Variants in GOT2 observed in about 807,000 individuals in gnomAD.
GOT2 encodes the protein glutamic-oxaloacetic transaminase 2, also known as aspartate aminotransferase, mitochondrial.
GOT2 carries 17 observed loss-of-function variants against 50.0 expected under a neutral mutation model. The ratio of observed to expected loss-of-function variants is 0.34; its 90% CI spans 0.23 to 0.51. The LOEUF is 0.51. Among genes scored for constraint, GOT2 ranks in the 20% least tolerant of loss-of-function variants. The pLI, the probability that GOT2 is intolerant of heterozygous loss-of-function variation, is 0.97. For missense variants in GOT2, 430 were observed against 559.6 expected (o/e 0.77, Z 2.34); for synonymous variants, 172 against 204.9 (o/e 0.84, Z 1.37).
At chr16:58,717,601 C>T (rs576811300) in intron 6 of GOT2, among the ~76,000 whole-genome samples, 8 of 152,258 alleles carry the variant, frequency 5.3e-5, no homozygotes, top group Non-Finnish European at 1.0e-4. Context: ...CTGACCAGGG[C>T]GAATATAGGC....
chr16:58,714,247 A>T (rs1247306318), intron 8 of GOT2, among the ~76,000 whole-genome samples: 2 of 151,716 alleles, frequency 1.3e-5, no homozygotes, highest in Non-Finnish European at 2.9e-5. Context: ...TGCAGTTGGC[A>T]TTTAGAAAAT....
At chr16:58,724,538 T>C (rs1266010945) in intron 1 of GOT2, among the ~76,000 whole-genome samples, 1 of 151,920 alleles carries the variant, frequency 6.6e-6, no homozygotes, top group Non-Finnish European at 1.5e-5. Flanking sequence ...TCCATACTGA[T>C]ACATTATTAT....
In GOT2 at chr16:58,722,183, C is replaced by T; in HGVS notation, c.342G>A (p.Leu114=). The change falls in exon 3 of 10, where the codon CTG becomes CTA. Residue 114 remains leucine, a synonymous_variant. Transcript: ENST00000245206. ...EFCKASAELA[L]GENSEVLKSG... is the part of the protein sequence containing the mutation. ...TCTTCAAGACTTCGCTGTTCTCACC[C>T]AGGGCTAGTTCTGCAGATGCCTTGC... 2 of 1,612,352 alleles carry T rather than the reference C, an allele frequency of 1.2e-6. No homozygotes were observed. Among genetic ancestry groups the T allele is most frequent in the Non-Finnish European group, 1.7e-6 (2 of 1,179,998 alleles).
chr16:58,709,673 A>C, intron 8 of GOT2, 106 bp from the exon 9 acceptor site: 1 of 851,900 alleles, frequency 1.2e-6, no homozygotes, highest in Admixed American at 2.3e-5. Context: ...GTGTGCCTCA[A>C]TTCTCAGGTC....
chr16:58,708,709 A>C (rs2044622404), intron 9 of GOT2, among the ~76,000 whole-genome samples: 1 of 152,164 alleles, frequency 6.6e-6, no homozygotes, highest in African/African-American at 2.4e-5. Flanking sequence ...TAGATTCAGC[A>C]GAGCCAGGAT....
At chr16:58,713,751 C>A (rs1228348643) in intron 8 of GOT2, among the ~76,000 whole-genome samples, 1 of 152,188 alleles carries the variant, frequency 6.6e-6, no homozygotes, top group Non-Finnish European at 1.5e-5. Context: ...CTTCCACAGG[C>A]ATCATGGTTT....
At chr16:58,734,083 G>C (rs1437357335) in intron 1 of GOT2, 57 bp downstream of exon 1, 1 of 1,042,424 alleles carries the variant, frequency 9.6e-7, no homozygotes, top group African/African-American at 1.6e-5. Flanking sequence ...TGGGGTGCTC[G>C]CAGCTCGGCG....
intron 6 of GOT2, among the ~76,000 whole-genome samples, chr16:58,717,544 A>G (rs2044703780): frequency 6.6e-6 from 1 of 152,208 alleles, no homozygotes; most frequent in Admixed American, 6.5e-5. Flanking sequence ...GCAATGCTGC[A>G]AAGGAGAGGA....
At chr16:58,728,629 G>A (rs1332453891) in intron 1 of GOT2, among the ~76,000 whole-genome samples, 3 of 152,132 alleles carry the variant, frequency 2.0e-5, no homozygotes, top group African/African-American at 7.2e-5. Flanking sequence ...GCTGTGGGGG[G>A]AGACAATGTT....
At chr16:58,722,381 T>C in intron 2 of GOT2, 103 bp from the exon 3 acceptor site, 5 of 1,216,852 alleles carry the variant, frequency 4.1e-6, no homozygotes, top group Non-Finnish European at 5.8e-6. Context: ...GTAAAGTCTT[T>C]TTTTTTTGAG....
chr16:58,708,389 C>T (rs1167189312), intron 9 of GOT2, 96 bp from the exon 10 acceptor site: 2 of 1,224,474 alleles, frequency 1.6e-6, no homozygotes, highest in African/African-American at 3.0e-5. Flanking sequence ...CGCTCTATTT[C>T]CTCGCTTAAA....
At position 58,708,184 on chromosome 16, in the gene GOT2, T is replaced by C. The variant is rs1200101056; in HGVS notation, c.1280A>G (p.Gln427Arg). ...NVGYLAHAIHQVTK is the reference protein window; with the variant it reads ...NVGYLAHAIHRVTK ...GCACCAGGGACATTACTTGGTGACC[T>C]GGTGAATGGCATGGGCAAGGTAGCC... is the stretch of plus-strand genomic sequence containing the variant. Residue 427 changes from glutamine (Q) to arginine (R), a missense_variant, in exon 10 of 10, where the codon CAG becomes CGG. Coordinates refer to ENST00000245206, the MANE Select transcript of GOT2 (RefSeq NM_002080.4). 1 of 1,614,016 alleles carries C rather than the reference T, an allele frequency of 6.2e-7. No individual in the cohort carries two copies. The highest frequency in any genetic ancestry group is 1.3e-5 in the African/African-American group (1 of 75,034).
intron 5 of GOT2, 72 bp from the exon 6 acceptor site, chr16:58,718,372 T>C (rs1474456037): frequency 7.2e-7 from 1 of 1,397,534 alleles, no homozygotes; most frequent in African/African-American, 1.4e-5. Flanking sequence ...TGCCACAGGA[T>C]CGTCATCATT....
intron 8 of GOT2, among the ~76,000 whole-genome samples, chr16:58,710,396 CTTTT>C (rs774270272): frequency 2.9e-5 from 4 of 138,738 alleles, no homozygotes; most frequent in Non-Finnish European, 3.1e-5. Flanking sequence ...ATTTTCTTTT[CTTTT>C]TTTTTTTTTT....
intron 8 of GOT2, among the ~76,000 whole-genome samples, chr16:58,714,249 T>G (rs2044672190): frequency 1.3e-5 from 2 of 151,796 alleles, no homozygotes; most frequent in Admixed American, 1.3e-4. Context: ...CAGTTGGCAT[T>G]TAGAAAATAT....
intron 6 of GOT2, among the ~76,000 whole-genome samples, chr16:58,717,976 C>T (rs369342373): frequency 3.9e-5 from 6 of 152,312 alleles, no homozygotes; most frequent in South Asian, 2.1e-4. Context: ...CGTGAGCCAC[C>T]GCGCCCAGCC....
chr16:58,726,276 C>T (rs1170304908), intron 1 of GOT2, among the ~76,000 whole-genome samples: 1 of 151,956 alleles, frequency 6.6e-6, no homozygotes, highest in African/African-American at 2.4e-5. Flanking sequence ...ACATCCGCCT[C>T]CCGGGTTCAA....
At chr16:58,717,870 A>G (rs1386297120) in intron 6 of GOT2, among the ~76,000 whole-genome samples, 1 of 152,104 alleles carries the variant, frequency 6.6e-6, no homozygotes, top group Non-Finnish European at 1.5e-5. Context: ...TTGTAGTTTT[A>G]GTAGAGACGG....
At chr16:58,710,408 T>C (rs1176151390) in intron 8 of GOT2, among the ~76,000 whole-genome samples, 15 of 151,226 alleles carry the variant, frequency 9.9e-5, no homozygotes, top group Middle Eastern at 3.2e-3. Context: ...TTTTTTTTTT[T>C]TTTTGTAGAG....
Sources: allele counts gnomAD v4.1 joint callset (sites outside exome capture counted in the v4.1 genomes callset), GRCh38; gene constraint gnomAD v4.1.1; transcripts MANE v1.5; gene names NCBI Gene and HGNC (gene_info 2026-07-23, HGNC 2026-07-21).